The following WASHC2A variants were observed in gnomAD, a reference collection of about 807,000 sequenced individuals.
WASHC2A encodes the protein WASH complex subunit 2A.
In WASHC2A, 82 loss-of-function variants were observed where a neutral mutation model predicts 140.3. That is an observed-to-expected ratio of 0.58 (90% CI 0.49 to 0.70). The LOEUF is 0.70. Ranked by LOEUF, WASHC2A falls within the 30% of genes least tolerant of loss-of-function variation. The pLI is 0.00. For missense variants in WASHC2A, 985 were observed against 1,521.8 expected, an observed-to-expected ratio of 0.65 and a Z score of 5.87; for synonymous variants, 340 against 560.8, an observed-to-expected ratio of 0.61 and a Z score of 5.56.
At chr10:50,105,286 T>G (rs1589237287) in intron 18 of WASHC2A, among the ~76,000 whole-genome samples, 1 of 150,876 alleles carries the variant, frequency 6.6e-6, no homozygotes, top group Admixed American at 6.6e-5. Context: ...TACTGGGCGG[T>G]GGTGAGCTCA....
chr10:50,112,953 T>C (rs1842405431), intron 20 of WASHC2A, among the ~76,000 whole-genome samples: 1 of 151,112 alleles, frequency 6.6e-6, no homozygotes, highest in South Asian at 2.1e-4. Flanking sequence ...GTCATGATAA[T>C]GTTGTGCACT....
intron 17 of WASHC2A, among the ~76,000 whole-genome samples, chr10:50,102,599 G>A (rs1192322253): frequency 1.3e-5 from 2 of 151,030 alleles, no homozygotes; most frequent in Non-Finnish European, 2.9e-5. Flanking sequence ...AACACTGTGT[G>A]GAGGAGATCT....
intron 19 of WASHC2A, 150 bp from the exon 20 acceptor site, chr10:50,109,951 T>G: frequency 3.6e-6 from 4 of 1,109,482 alleles, no homozygotes; most frequent in Non-Finnish European, 5.1e-6. Flanking sequence ...CTTGTATTTT[T>G]AGTAGAGACG....
chr10:50,076,915 C>A (rs1437746620), intron 3 of WASHC2A, among the ~76,000 whole-genome samples: 1 of 150,462 alleles, frequency 6.6e-6, no homozygotes, highest in East Asian at 1.9e-4. Context: ...CAGATTGAGA[C>A]CATCCTGGTT....
chr10:50,099,322 T>C (rs1309237772), intron 16 of WASHC2A, among the ~76,000 whole-genome samples: 1 of 149,608 alleles, frequency 6.7e-6, no homozygotes, highest in Non-Finnish European at 1.5e-5. Context: ...CAGACTGGAG[T>C]GTAGTGGTAC....
intron 20 of WASHC2A, chr10:50,112,257 C>G: frequency 1.1e-6 from 1 of 937,554 alleles, no homozygotes; most frequent in South Asian, 5.1e-5. Context: ...CAGCCACACA[C>G]CATACCTGGC....
intron 6 of WASHC2A, among the ~76,000 whole-genome samples, chr10:50,084,853 A>G (rs1459628540): frequency 0.012 from 1,708 of 142,270 alleles, no homozygotes; most frequent in East Asian, 0.023. Context: ...CTCCTACCTC[A>G]GCCTCCTGAG....
chr10:50,076,168 C>G (rs1297414575), intron 3 of WASHC2A, among the ~76,000 whole-genome samples: 1 of 152,086 alleles, frequency 6.6e-6, no homozygotes, highest in African/African-American at 2.4e-5. Flanking sequence ...GCAGGTGATC[C>G]CAAAGTGCTG....
Position 50,068,179 on chromosome 10 carries a change from G to A in WASHC2A, c.78G>A (p.Glu26=). ...EPVWERPWSV[E]EIRRSSQSWS... ...TGTGGGAGCGGCCGTGGTCGGTGGA[G>A]GAGATCCGCAGGAGCAGCCAGAGCT... The change falls in exon 2 of 31, where the codon GAG becomes GAA. Residue 26 remains glutamate, a synonymous_variant. Coordinates refer to ENST00000282633, the MANE Select transcript of WASHC2A (RefSeq NM_001005751.3). 1 of 1,599,106 alleles carries A rather than the reference G, an allele frequency of 6.3e-7. No individual in the cohort carries two copies. The highest frequency in any genetic ancestry group is 8.5e-7 in the Non-Finnish European group (1 of 1,173,562).
Position 50,095,684 on chromosome 10 carries a change from C to T in WASHC2A, c.1326C>T (p.Pro442=). 4.3e-6 allele frequency: 7 copies of T among 1,611,662 alleles called. No individual in the cohort carries two copies. The highest frequency in any genetic ancestry group is 2.2e-5 in the South Asian group (2 of 90,934). ...KPEQPTPRKS[P]YGPPPTGLFD... is the part of the protein sequence containing the mutation. ...AGCAGCCCACTCCAAGGAAAAGCCCCTATGGTCCCCCTCCCACTGGCCTCT... is the reference window on the plus strand; with the variant it reads ...AGCAGCCCACTCCAAGGAAAAGCCCTTATGGTCCCCCTCCCACTGGCCTCT... Residue 442 remains proline (P), a synonymous_variant, in exon 15 of 31, where the codon CCC becomes CCT. Transcript: ENST00000282633.
intron 8 of WASHC2A, among the ~76,000 whole-genome samples, chr10:50,090,515 A>AATATATAT (rs1203140565): frequency 9.2e-5 from 10 of 108,730 alleles, no homozygotes; most frequent in African/African-American, 3.3e-4. Context: ...AAAAAAAAAA[A>AATATATAT]ATATATATAT....
At chr10:50,087,585 A>G (rs1839496436) in intron 8 of WASHC2A, among the ~76,000 whole-genome samples, 1 of 152,150 alleles carries the variant, frequency 6.6e-6, no homozygotes, top group East Asian at 1.9e-4. Context: ...CCTCTAAAAG[A>G]AGACTCAGTT....
chr10:50,076,942 A>G lies in WASHC2A; in HGVS notation c.292-1733A>G, dbSNP rs571294753. On this transcript the variant is annotated intron_variant, in intron 3 of 30. Coordinates refer to ENST00000282633, the MANE Select transcript of WASHC2A (RefSeq NM_001005751.3). ...ATCCTGGTTAACATGGTGAAACCCCATCTCTACTAAAAATACAAAAAAAAT... is the reference window on the plus strand; with the variant it reads ...ATCCTGGTTAACATGGTGAAACCCCGTCTCTACTAAAAATACAAAAAAAAT... 3.6e-3 allele frequency among the ~76,000 whole-genome samples: 548 copies of G among 151,654 alleles called. 21 individuals are homozygous for G. The South Asian group carries it at 0.076, about 21-fold the overall frequency.
chr10:50,111,362 C>T (rs1428608335), intron 20 of WASHC2A, among the ~76,000 whole-genome samples: 7 of 151,020 alleles, frequency 4.6e-5, no homozygotes, highest in East Asian at 1.9e-4. Flanking sequence ...ACTTGACACT[C>T]GGATGCATCT....
chr10:50,078,419 C>T (rs1168039724), intron 3 of WASHC2A, among the ~76,000 whole-genome samples: 5 of 151,666 alleles, frequency 3.3e-5, no homozygotes, highest in African/African-American at 9.7e-5. Flanking sequence ...TGGTTTACAA[C>T]GAGGTTAAAG....
chr10:50,076,508 G>C (rs1334775699), intron 3 of WASHC2A, among the ~76,000 whole-genome samples: 1 of 152,194 alleles, frequency 6.6e-6, no homozygotes, highest in African/African-American at 2.4e-5. Flanking sequence ...GATACTTAAA[G>C]ATGGGTGGAC....
At position 50,098,775 on chromosome 10, in the gene WASHC2A, G is replaced by T. The variant is rs1243556971; in HGVS notation, c.1548+973G>T. 8.8e-4 allele frequency among the ~76,000 whole-genome samples: 129 copies of T among 145,794 alleles called. 1 individual carries two copies. The East Asian group carries it at 0.025, about 28-fold the overall frequency. Reference sequence around the variant, plus strand: ...CCACTTGTATTGTAGAATGTGTCTCGTGAATTTGCTTGATTATTTTCCTAT... The same window carrying T: ...CCACTTGTATTGTAGAATGTGTCTCTTGAATTTGCTTGATTATTTTCCTAT... On this transcript the variant is annotated intron_variant, in intron 16 of 30. Transcript: ENST00000282633.
chr10:50,078,263 C>A (rs199876217), intron 3 of WASHC2A: 165,798 of 693,672 alleles, frequency 0.24, 24,662 homozygotes, highest in East Asian at 0.66. Flanking sequence ...TGTTCAAAAT[C>A]CTGAAGTTCT....
chr10:50,105,142 T>C (rs1225933060), intron 18 of WASHC2A, among the ~76,000 whole-genome samples: 7 of 152,086 alleles, frequency 4.6e-5, no homozygotes, highest in African/African-American at 9.7e-5. Flanking sequence ...AAGAATGTTT[T>C]GGATCAAGTG....
Sources: allele counts gnomAD v4.1 joint callset (sites outside exome capture counted in the v4.1 genomes callset), GRCh38; gene constraint gnomAD v4.1.1; transcripts MANE v1.5; gene names NCBI Gene and HGNC (gene_info 2026-07-23, HGNC 2026-07-21).